PIP4K2A: variants seen among roughly 807,000 people sequenced by gnomAD.
PIP4K2A encodes phosphatidylinositol-5-phosphate 4-kinase type 2 alpha.
A neutral mutation model predicts 42.9 loss-of-function variants in PIP4K2A; 14 were observed. The ratio of observed to expected loss-of-function variants is 0.33; its 90% CI spans 0.22 to 0.51. The LOEUF (loss-of-function observed/expected upper bound fraction) is 0.51, where lower values mean the gene tolerates loss of function less well. Ranked by LOEUF, PIP4K2A falls within the 20% of genes least tolerant of loss-of-function variation. PIP4K2A has a pLI of 0.97. For missense variants in PIP4K2A, 434 were observed against 519.8 expected (o/e 0.83, Z 1.61); for synonymous variants, 192 against 192.2 (o/e 1.00, Z 0.01).
intron 3 of PIP4K2A, among the ~76,000 whole-genome samples, chr10:22,606,693 T>A (rs971123545): frequency 2.2e-4 from 33 of 152,334 alleles, no homozygotes; most frequent in Admixed American, 2.1e-3. Context: ...GTAAGCTGTA[T>A]CAGTACTCAA....
At chr10:22,547,273 C>T (rs1038001623) in intron 7 of PIP4K2A, among the ~76,000 whole-genome samples, 2 of 152,196 alleles carry the variant, frequency 1.3e-5, no homozygotes, top group African/African-American at 4.8e-5. Flanking sequence ...AATCCTCCTT[C>T]GAAGCAATTA....
intron 4 of PIP4K2A, among the ~76,000 whole-genome samples, chr10:22,591,152 C>T (rs537803768): frequency 6.6e-6 from 1 of 152,340 alleles, no homozygotes; most frequent in African/African-American, 2.4e-5. Context: ...AGCAGACCAA[C>T]ACCCACCTTC....
At chr10:22,655,298 G>C (rs945437728) in intron 1 of PIP4K2A, among the ~76,000 whole-genome samples, 1 of 152,192 alleles carries the variant, frequency 6.6e-6, no homozygotes, top group Non-Finnish European at 1.5e-5. Flanking sequence ...CAGTGTAACA[G>C]GCACCGATCC....
chr10:22,629,765 A>G (rs1003486879), intron 1 of PIP4K2A, among the ~76,000 whole-genome samples: 2 of 152,152 alleles, frequency 1.3e-5, no homozygotes, highest in Non-Finnish European at 2.9e-5. Context: ...TTCCAACCAA[A>G]GACAACCCAG....
At chr10:22,670,711 C>T (rs137957173) in intron 1 of PIP4K2A, among the ~76,000 whole-genome samples, 5 of 152,310 alleles carry the variant, frequency 3.3e-5, no homozygotes, top group African/African-American at 7.2e-5. Context: ...GTTCACCACA[C>T]ACCCTAGAAA....
chr10:22,667,676 C>T (rs1382473314), intron 1 of PIP4K2A, among the ~76,000 whole-genome samples: 1 of 151,946 alleles, frequency 6.6e-6, no homozygotes, highest in African/African-American at 2.4e-5. Context: ...GAATCCTTTG[C>T]CTTTATTTTT....
rs753757010 is a variant in PIP4K2A, at chr10:22,591,702, T to C, written c.419A>G (p.Lys140Arg). The change falls in exon 4 of 10, where the codon AAA (lysine) becomes AGA (arginine). Residue 140 changes from lysine to arginine, a missense_variant. This residue lies in a region of PIP4K2A where 395 missense variants were observed against 444.5 expected (regional missense o/e 0.89). Transcript: ENST00000376573. ...GGTAATAGTCTTGATGATGTATCTT[T>C]TGTCGTAGGAAGTGTGAAAACGAGC... ...SGARFHTSYD[K>R]RYIIKTITSE... is the part of the protein sequence containing the mutation. 9 of 1,613,596 alleles carry C rather than the reference T, an allele frequency of 5.6e-6. No homozygotes were observed. The African/African-American group carries it at 6.7e-5, about 12-fold the overall frequency.
chr10:22,635,700 CG>C (rs1329684900), intron 1 of PIP4K2A, among the ~76,000 whole-genome samples: 2 of 152,168 alleles, frequency 1.3e-5, no homozygotes, highest in East Asian at 3.9e-4. Context: ...AGTTATGAGC[CG>C]GGGGGTTCTA....
chr10:22,605,329 T>C (rs1200436687), intron 3 of PIP4K2A, among the ~76,000 whole-genome samples: 5 of 152,250 alleles, frequency 3.3e-5, no homozygotes, highest in Non-Finnish European at 7.3e-5. Flanking sequence ...GTGAAGAGTT[T>C]AACGGACTTG....
At chr10:22,560,118 T>C (rs1836649673) in intron 6 of PIP4K2A, among the ~76,000 whole-genome samples, 1 of 152,114 alleles carries the variant, frequency 6.6e-6, no homozygotes, top group Non-Finnish European at 1.5e-5. Context: ...TAACTAACAC[T>C]GGCTGGCAAA....
chr10:22,657,204 C>T (rs1285272211), intron 1 of PIP4K2A, among the ~76,000 whole-genome samples: 2 of 152,214 alleles, frequency 1.3e-5, no homozygotes, highest in Admixed American at 6.5e-5. Context: ...GAAGCACCAA[C>T]CGCCCCAGAC....
In PIP4K2A at chr10:22,593,347, GAA is replaced by G. The variant is rs35283574; in HGVS notation, c.340-1568_340-1567del. ...AGCTTATTAGAAAACTTGAGAGAAG[GAA>G]AAAAAAAAATCTACATAATCCCCAA... On this transcript the variant is annotated intron_variant, in intron 3 of 9. Transcript: ENST00000376573. Among the ~76,000 whole-genome samples the G allele has an allele frequency of 1.8e-3, 258 of 146,432 alleles. 3 individuals carry two copies. Among genetic ancestry groups the G allele is most frequent in the African/African-American group, 5.9e-3 (236 of 40,150 alleles).
intron 1 of PIP4K2A, among the ~76,000 whole-genome samples, chr10:22,708,089 G>A (rs72816869): frequency 0.032 from 4,815 of 152,200 alleles, 106 homozygotes; most frequent in Middle Eastern, 0.072. Context: ...GAATGGAAAC[G>A]AAGAGACGGA....
At chr10:22,541,304 G>A (rs556572645) in intron 8 of PIP4K2A, among the ~76,000 whole-genome samples, 112 of 152,208 alleles carry the variant, frequency 7.4e-4, no homozygotes, top group Non-Finnish European at 1.5e-3. Flanking sequence ...GAGGGAGAGG[G>A]CTGTTGGTAA....
chr10:22,653,295 G>A (rs907699304), intron 1 of PIP4K2A, among the ~76,000 whole-genome samples: 1 of 151,652 alleles, frequency 6.6e-6, no homozygotes, highest in Non-Finnish European at 1.5e-5. Context: ...ATGAAGGAAG[G>A]CAGTGCATGA....
chr10:22,645,105 C>T (rs1284961327), intron 1 of PIP4K2A, among the ~76,000 whole-genome samples: 1 of 152,136 alleles, frequency 6.6e-6, no homozygotes, highest in Non-Finnish European at 1.5e-5. Context: ...TTTTAAAATA[C>T]CAAAATTTTG....
intron 7 of PIP4K2A, among the ~76,000 whole-genome samples, chr10:22,548,836 A>G (rs927407119): frequency 2.0e-5 from 3 of 151,986 alleles, no homozygotes; most frequent in African/African-American, 7.2e-5. Flanking sequence ...GCTTGAGGCC[A>G]GGAGTTCAAG....
At chr10:22,707,695 G>C (rs934124029) in intron 1 of PIP4K2A, among the ~76,000 whole-genome samples, 2 of 152,300 alleles carry the variant, frequency 1.3e-5, no homozygotes, top group South Asian at 2.1e-4. Flanking sequence ...CTGTGACCCA[G>C]GCGGGTAATC....
chr10:22,537,325 A>T (rs1163044865), intron 9 of PIP4K2A, 44 bp from the exon 10 acceptor site: 2 of 1,405,380 alleles, frequency 1.4e-6, no homozygotes, highest in South Asian at 2.5e-5. Flanking sequence ...AGTGTTTATG[A>T]TTTCCCCAAA....
Sources: gnomAD v4.1 joint callset for allele counts (sites outside exome capture counted in the v4.1 genomes callset) on GRCh38, gnomAD v4.1.1 for gene constraint, gnomAD v4.1.1 regional missense constraint, MANE v1.5 for transcripts, NCBI Gene and HGNC (gene_info 2026-07-23, HGNC 2026-07-21) for gene names.